The following ARSG variants were observed in gnomAD, a reference collection of about 807,000 sequenced individuals.
ARSG encodes ASG.
In ARSG, 37 loss-of-function variants were observed where a neutral mutation model predicts 50.5. The ratio of observed to expected loss-of-function variants is 0.73; its 90% CI spans 0.56 to 0.96. The LOEUF (loss-of-function observed/expected upper bound fraction) is 0.96, where lower values mean the gene tolerates loss of function less well. Ranked by LOEUF, ARSG falls within the 50% of genes least tolerant of loss-of-function variation. The pLI is 0.00. For synonymous variants in ARSG, 225 were observed against 254.6 expected, an observed-to-expected ratio of 0.88 and a Z score of 1.11; for missense variants, 629 against 675.3, an observed-to-expected ratio of 0.93 and a Z score of 0.76.
intron 1 of ARSG, among the ~76,000 whole-genome samples, chr17:68,292,326 T>A (rs1271669548): frequency 6.6e-6 from 1 of 152,066 alleles, no homozygotes; most frequent in Non-Finnish European, 1.5e-5. Context: ...GTTTAGACAG[T>A]CCGTGCCCCT....
chr17:68,352,971 A>T (rs2078869996), intron 5 of ARSG, among the ~76,000 whole-genome samples: 1 of 152,096 alleles, frequency 6.6e-6, no homozygotes, highest in Non-Finnish European at 1.5e-5. Context: ...CACTGTGGTT[A>T]TTTCTAAGGC....
intron 2 of ARSG, among the ~76,000 whole-genome samples, chr17:68,337,440 A>C (rs2078071929): frequency 6.6e-6 from 1 of 152,046 alleles, no homozygotes; most frequent in Non-Finnish European, 1.5e-5. Context: ...AAAAGAAGAC[A>C]GGCCCACAGT....
chr17:68,396,647 C>T (rs563598095), intron 10 of ARSG, among the ~76,000 whole-genome samples: 1 of 152,310 alleles, frequency 6.6e-6, no homozygotes, highest in East Asian at 1.9e-4. Context: ...CTCAAATGTA[C>T]AGAAGTGTCC....
chr17:68,278,617 CTTTTTTTTT>C (rs56870988), intron 1 of ARSG, among the ~76,000 whole-genome samples: 20 of 111,990 alleles, frequency 1.8e-4, no homozygotes, highest in East Asian at 9.8e-4. Context: ...TTTCTTTTTC[CTTTTTTTTT>C]TTTTTTTTTT....
intron 10 of ARSG, among the ~76,000 whole-genome samples, chr17:68,397,293 TA>T (rs1023403153): frequency 3.3e-5 from 5 of 152,168 alleles, no homozygotes; most frequent in African/African-American, 1.2e-4. Context: ...ATTTGCTCCC[TA>T]ACCACACCCC....
chr17:68,403,039 A>C (rs2081547723), intron 11 of ARSG, among the ~76,000 whole-genome samples: 1 of 152,222 alleles, frequency 6.6e-6, no homozygotes, highest in South Asian at 2.1e-4. Flanking sequence ...ATGATAAAAA[A>C]ATTATTTTCC....
chr17:68,263,418 G>A (rs1236807422), intron 1 of ARSG, among the ~76,000 whole-genome samples: 2 of 152,180 alleles, frequency 1.3e-5, no homozygotes, highest in Admixed American at 6.5e-5. Context: ...TCATTTTTGC[G>A]TGTAACATGT....
At chr17:68,305,120 G>T (rs1440297241) in intron 1 of ARSG, among the ~76,000 whole-genome samples, 1 of 152,184 alleles carries the variant, frequency 6.6e-6, no homozygotes, top group Admixed American at 6.5e-5. Context: ...ATTGCAGTGA[G>T]CTGGGATCTG....
intron 11 of ARSG, among the ~76,000 whole-genome samples, chr17:68,403,714 T>C (rs374594067): frequency 3.3e-5 from 5 of 152,232 alleles, no homozygotes; most frequent in African/African-American, 1.2e-4. Context: ...TTTTTCTTTT[T>C]TTTTATTATT....
At chr17:68,320,019 G>A (rs912966564) in intron 2 of ARSG, among the ~76,000 whole-genome samples, 2 of 151,338 alleles carry the variant, frequency 1.3e-5, no homozygotes, top group Non-Finnish European at 2.9e-5. Flanking sequence ...GGGTGCGGTG[G>A]CTGACGCCTG....
intron 2 of ARSG, among the ~76,000 whole-genome samples, chr17:68,341,390 T>C (rs368436131): frequency 7.7e-4 from 117 of 152,338 alleles, no homozygotes; most frequent in African/African-American, 2.7e-3. Context: ...GCTTTCCCCC[T>C]CCACATACTG....
chr17:68,345,383 T>C (rs1300040457), intron 3 of ARSG, among the ~76,000 whole-genome samples: 1 of 152,230 alleles, frequency 6.6e-6, no homozygotes. Context: ...TCAGCCCCTA[T>C]GCTGCAGAAG....
chr17:68,433,895 G>A, the ARSG span, among the ~76,000 whole-genome samples: 4 of 146,180 alleles, frequency 2.7e-5, no homozygotes, highest in African/African-American at 1.0e-4. Context: ...CGATTCTCCT[G>A]CCTCAGCCTC....
chr17:68,369,573 G>C (rs925519444), intron 7 of ARSG, among the ~76,000 whole-genome samples: 2 of 151,924 alleles, frequency 1.3e-5, no homozygotes, highest in Non-Finnish European at 2.9e-5. Flanking sequence ...GGGTCAAGTA[G>C]AGACTTATAC....
At chr17:68,265,999 C>G (rs1257179208) in intron 1 of ARSG, among the ~76,000 whole-genome samples, 1 of 152,064 alleles carries the variant, frequency 6.6e-6, no homozygotes, top group Admixed American at 6.6e-5. Flanking sequence ...GTTTGCCAAC[C>G]CCTGGCATGT....
At chr17:68,347,269 CAACCCT>C in intron 4 of ARSG, 97 bp downstream of exon 4, 1 of 1,391,930 alleles carries the variant, frequency 7.2e-7, no homozygotes, top group Non-Finnish European at 1.0e-6. Context: ...TCTCTGGGGG[CAACCCT>C]AAGTTAGGAC....
chr17:68,400,980 A>G (rs571559274), intron 10 of ARSG: 3 of 167,320 alleles, frequency 1.8e-5, no homozygotes, highest in South Asian at 1.4e-4. Context: ...TGAAAAAGAC[A>G]GTAATATGTT....
intron 5 of ARSG, among the ~76,000 whole-genome samples, 154 bp from the exon 6 acceptor site, chr17:68,356,513 G>C (rs1266337386): frequency 6.6e-6 from 1 of 152,224 alleles, no homozygotes. Context: ...ATTATGCATA[G>C]ACTTTTACAC....
At chr17:68,426,007 G>T, downstream of ARSG, 1 of 1,249,462 alleles carries the variant, frequency 8.0e-7, no homozygotes, top group Non-Finnish European at 1.2e-6. Flanking sequence ...TCTGCCTCTC[G>T]TATGAGGCGA....
Sources: gnomAD v4.1 joint callset for allele counts (sites outside exome capture counted in the v4.1 genomes callset) on GRCh38, gnomAD v4.1.1 for gene constraint, MANE v1.5 for transcripts, NCBI Gene and HGNC (gene_info 2026-07-23, HGNC 2026-07-21) for gene names.